Variants in FKBP6 observed in about 807,000 individuals in gnomAD.
FKBP6 encodes inactive peptidyl-prolyl cis-trans isomerase FKBP6.
A neutral mutation model predicts 41.7 loss-of-function variants in FKBP6; 29 were observed. The ratio of observed to expected loss-of-function variants is 0.70; its 90% confidence interval spans 0.52 to 0.95. FKBP6 has a LOEUF of 0.95. Among genes scored for constraint, FKBP6 ranks in the 40% least tolerant of loss-of-function variants. The pLI, the probability that FKBP6 is intolerant of heterozygous loss-of-function variation, is 0.00. For synonymous variants in FKBP6, 130 were observed against 165.1 expected, an observed-to-expected ratio of 0.79 and a Z score of 1.63; for missense variants, 338 against 408.7, an observed-to-expected ratio of 0.83 and a Z score of 1.49.
chr7:73,355,566 C>T (rs572647121), intron 8 of FKBP6, among the ~76,000 whole-genome samples: 18 of 151,854 alleles, frequency 1.2e-4, no homozygotes, highest in Non-Finnish European at 2.4e-4. Context: ...ATGGGACACA[C>T]CCTAGATCAA....
chr7:73,347,080 G>T (rs1240475879), intron 8 of FKBP6, among the ~76,000 whole-genome samples: 1 of 152,134 alleles, frequency 6.6e-6, no homozygotes, highest in African/African-American at 2.4e-5. Context: ...CCACCCACAC[G>T]GTCAGCTTAC....
intron 5 of FKBP6, among the ~76,000 whole-genome samples, chr7:73,337,523 A>G (rs1563314838): frequency 1.3e-5 from 2 of 152,054 alleles, no homozygotes; most frequent in Admixed American, 6.6e-5. Flanking sequence ...CATGTTGGCC[A>G]GGCTGATCTT....
In FKBP6 at chr7:73,340,672, C is replaced by G. The variant is rs782474430; in HGVS notation, c.623C>G (p.Pro208Arg). 6.2e-7 allele frequency: 1 copy of G among 1,613,900 alleles called. No individual in the cohort carries two copies. The highest frequency in any genetic ancestry group is 1.1e-5 in the South Asian group (1 of 91,058). ...LLLLRRRSAP[P>R]EEQHLVEAAK... Reference sequence around the variant, plus strand: ...CTTCTGCGCCGGCGATCAGCACCCCCTGAAGAGCAGCACCTGGTGGAGGCC... The same window carrying G: ...CTTCTGCGCCGGCGATCAGCACCCCGTGAAGAGCAGCACCTGGTGGAGGCC... Residue 208 changes from proline (P) to arginine (R), a missense_variant, in exon 6 of 9, where the codon CCT (proline) becomes CGT (arginine). Coordinates refer to ENST00000252037, the MANE Select transcript of FKBP6 (RefSeq NM_003602.5).
In FKBP6 at chr7:73,330,226, G is replaced by A. The variant is rs782537590; in HGVS notation, c.342G>A (p.Pro114=). ...AGCTGGCCAGGTTTCTGTTCAAACCGAACTACGCCTATGGAACGCTGGGCT... is the reference window on the plus strand; with the variant it reads ...AGCTGGCCAGGTTTCTGTTCAAACCAAACTACGCCTATGGAACGCTGGGCT... ...RGELARFLFK[P]NYAYGTLGCP... is the part of the protein sequence containing the mutation. The change falls in exon 4 of 9, where the codon CCG becomes CCA. Residue 114 remains proline, a synonymous_variant. Transcript: ENST00000252037. 6 of 1,613,954 alleles carry A rather than the reference G, an allele frequency of 3.7e-6. No homozygotes were observed. The highest frequency in any genetic ancestry group is 2.2e-5 in the East Asian group (1 of 44,882).
intron 7 of FKBP6, among the ~76,000 whole-genome samples, chr7:73,342,433 C>T (rs1279411743): frequency 6.6e-6 from 1 of 152,184 alleles, no homozygotes; most frequent in African/African-American, 2.4e-5. Context: ...CCAGCAATTT[C>T]CTTTCTGGTA....
At chr7:73,354,925 C>G (rs1227877758) in intron 8 of FKBP6, among the ~76,000 whole-genome samples, 1 of 152,226 alleles carries the variant, frequency 6.6e-6, no homozygotes, top group East Asian at 1.9e-4. Flanking sequence ...GGAACGGCAC[C>G]TGCTGAGCCT....
chr7:73,343,801 C>T (rs115249958), intron 8 of FKBP6, among the ~76,000 whole-genome samples: 2,286 of 152,262 alleles, frequency 0.015, 53 homozygotes, highest in African/African-American at 0.053. Flanking sequence ...ACTCTGCTCT[C>T]TCGGAGAAGT....
At chr7:73,343,942 G>A (rs946995901) in intron 8 of FKBP6, among the ~76,000 whole-genome samples, 4 of 152,170 alleles carry the variant, frequency 2.6e-5, no homozygotes, top group African/African-American at 7.2e-5. Context: ...ATTCATCCCC[G>A]ACATTTTCAT....
At chr7:73,337,032 A>C (rs868984516) in intron 5 of FKBP6, 1 of 343,642 alleles carries the variant, frequency 2.9e-6, no homozygotes, top group South Asian at 2.2e-5. Context: ...TTGATTACTC[A>C]TGGGAATGAG....
chr7:73,329,278 C>T lies in FKBP6; in HGVS notation c.176-82C>T, dbSNP rs554724067. The stretch of plus-strand genomic sequence containing the variant: ...TTAAGCTCATCTGTTCACATTGTTT[C>T]TGTGTGATCATGAGAGACTCGATAT... On this transcript the variant is annotated intron_variant, in intron 2 of 8. Transcript: ENST00000252037. 1.4e-5 allele frequency: 12 copies of T among 842,302 alleles called. No homozygotes were observed. In the African/African-American group the frequency reaches 1.5e-4, roughly 10 times the overall value. 52.2% of individuals were successfully genotyped at this position (842,302 alleles called of 1,614,324 possible). A position where few individuals can be genotyped will look rare whatever the true frequency, so the allele number is the denominator to read the frequency against.
At chr7:73,341,071 G>C (rs2115896885) in intron 6 of FKBP6, among the ~76,000 whole-genome samples, 1 of 152,108 alleles carries the variant, frequency 6.6e-6, no homozygotes, top group African/African-American at 2.4e-5. Context: ...TTACAGGCAT[G>C]CGCCATCACA....
intron 8 of FKBP6, among the ~76,000 whole-genome samples, chr7:73,353,946 G>A (rs1805560624): frequency 6.6e-6 from 1 of 152,124 alleles, no homozygotes; most frequent in African/African-American, 2.4e-5. Context: ...TGTAGGCCAG[G>A]CTGGTCTCAG....
At chr7:73,350,678 G>A (rs1805464589) in intron 8 of FKBP6, among the ~76,000 whole-genome samples, 1 of 152,120 alleles carries the variant, frequency 6.6e-6, no homozygotes, top group African/African-American at 2.4e-5. Context: ...AGGCCCAAGT[G>A]GAAGTAAAGG....
At chr7:73,349,985 C>T (rs1238516002) in intron 8 of FKBP6, among the ~76,000 whole-genome samples, 2 of 152,120 alleles carry the variant, frequency 1.3e-5, no homozygotes, top group East Asian at 3.8e-4. Context: ...CCAGTCATGT[C>T]ATTAGCATAC....
chr7:73,352,564 C>G (rs1253710466), intron 8 of FKBP6, among the ~76,000 whole-genome samples: 2 of 152,192 alleles, frequency 1.3e-5, no homozygotes, highest in African/African-American at 4.8e-5. Flanking sequence ...ATCCTGTTCT[C>G]AAGACCTTTG....
At chr7:73,351,681 C>A (rs966096228) in intron 8 of FKBP6, among the ~76,000 whole-genome samples, 2 of 152,172 alleles carry the variant, frequency 1.3e-5, no homozygotes, top group African/African-American at 4.8e-5. Context: ...TCTCCACATC[C>A]TCTCTTGGCA....
chr7:73,352,040 T>C (rs555285339), intron 8 of FKBP6, among the ~76,000 whole-genome samples: 1 of 152,328 alleles, frequency 6.6e-6, no homozygotes, highest in East Asian at 1.9e-4. Context: ...GGTGCAGTTA[T>C]AGCTCACTGC....
At chr7:73,333,383 C>A (rs558874489) in intron 5 of FKBP6, among the ~76,000 whole-genome samples, 50 of 152,174 alleles carry the variant, frequency 3.3e-4, no homozygotes, top group Non-Finnish European at 6.2e-4. Flanking sequence ...CTTCTCCTAA[C>A]AGAACCTCCC....
At chr7:73,328,875 C>T (rs1202586394) in intron 2 of FKBP6, among the ~76,000 whole-genome samples, 183 bp downstream of exon 2, 1 of 152,222 alleles carries the variant, frequency 6.6e-6, no homozygotes, top group Non-Finnish European at 1.5e-5. Context: ...GTGGTGCGAT[C>T]ATAGCTCACT....
Sources: gnomAD v4.1 joint callset for allele counts (sites outside exome capture counted in the v4.1 genomes callset) on GRCh38, gnomAD v4.1.1 for gene constraint, MANE v1.5 for transcripts, NCBI Gene and HGNC (gene_info 2026-07-23, HGNC 2026-07-21) for gene names.